CACNA2D1: variants seen among roughly 807,000 people sequenced by gnomAD.
CACNA2D1 encodes the protein voltage-dependent calcium channel subunit alpha-2/delta-1.
CACNA2D1 carries 53 observed loss-of-function variants against 171.5 expected under a neutral mutation model. The observed-to-expected ratio is 0.31, with a 90% CI of 0.25 to 0.39. CACNA2D1 has a LOEUF of 0.39. Among genes scored for constraint, CACNA2D1 ranks in the 10% least tolerant of loss-of-function variants. The pLI is 1.00. For missense variants in CACNA2D1, 903 were observed against 1,299.8 expected, an observed-to-expected ratio of 0.69 and a Z score of 4.69; for synonymous variants, 442 against 443.1, an observed-to-expected ratio of 1.00 and a Z score of 0.03.
chr7:82,090,863 T>A (rs879664958), intron 6 of CACNA2D1, among the ~76,000 whole-genome samples: 1 of 152,142 alleles, frequency 6.6e-6, no homozygotes, highest in Non-Finnish European at 1.5e-5. Flanking sequence ...ACAAAAGATA[T>A]CTTTTGTGGC....
At chr7:81,995,157 C>G (rs1460622363) in intron 19 of CACNA2D1, among the ~76,000 whole-genome samples, 2 of 151,838 alleles carry the variant, frequency 1.3e-5, no homozygotes, top group Non-Finnish European at 2.9e-5. Context: ...AATAAAACAC[C>G]CTTAATGAAA....
chr7:82,240,491 A>G (rs1487260496), intron 3 of CACNA2D1, among the ~76,000 whole-genome samples: 1 of 152,182 alleles, frequency 6.6e-6, no homozygotes, highest in Admixed American at 6.5e-5. Flanking sequence ...TGAATCATAC[A>G]TTGAGTTTTA....
At chr7:82,430,150 A>T (rs1032384453) in intron 1 of CACNA2D1, among the ~76,000 whole-genome samples, 1 of 83,680 alleles carries the variant, frequency 1.2e-5, no homozygotes, top group African/African-American at 7.6e-5. Context: ...GCAGTGGCTC[A>T]CACCTGTAGT....
intron 1 of CACNA2D1, among the ~76,000 whole-genome samples, chr7:82,351,977 T>G (rs192075674): frequency 6.6e-6 from 1 of 152,150 alleles, no homozygotes; most frequent in East Asian, 1.9e-4. Flanking sequence ...GCAAAGAATA[T>G]ATATGTAAAG....
At chr7:82,067,122 T>G (rs79283396) in intron 7 of CACNA2D1, among the ~76,000 whole-genome samples, 9 of 152,250 alleles carry the variant, frequency 5.9e-5, no homozygotes, top group African/African-American at 2.2e-4. Flanking sequence ...CTTTATCTTT[T>G]TGCAATAATC....
intron 4 of CACNA2D1, among the ~76,000 whole-genome samples, chr7:82,156,697 C>CAT (rs34337312): frequency 0.034 from 5,112 of 151,454 alleles, 301 homozygotes; most frequent in African/African-American, 0.12. Flanking sequence ...AGATATTAAA[C>CAT]GTTTTTTTAA....
intron 7 of CACNA2D1, among the ~76,000 whole-genome samples, chr7:82,070,923 A>T (rs1033140250): frequency 1.6e-4 from 25 of 152,296 alleles, no homozygotes; most frequent in Middle Eastern, 3.4e-3. Context: ...GATGACGGAG[A>T]TGAGGATAAG....
At chr7:82,246,928 C>T (rs541273429) in intron 3 of CACNA2D1, among the ~76,000 whole-genome samples, 1 of 152,186 alleles carries the variant, frequency 6.6e-6, no homozygotes, top group African/African-American at 2.4e-5. Flanking sequence ...CACCCCATAT[C>T]TAGGGTCTTC....
rs1289363417 is a variant in CACNA2D1 at position 81,947,393 on chromosome 7, TA to T, written c.*2998del. ...TTAGAAACATGAAAAAAGATCATAC[TA>T]AAATCTTATAGGCCCAGGACCTAAA... On this transcript the variant is annotated 3_prime_UTR_variant, in exon 39 of 39. Coordinates refer to ENST00000356860, the MANE Select transcript of CACNA2D1 (RefSeq NM_000722.4). The T allele has an allele frequency of 6.6e-6, 1 of 151,772 alleles. No individual in the cohort carries two copies. Among genetic ancestry groups the T allele is most frequent in the East Asian group, 1.9e-4 (1 of 5,174 alleles). 9.4% of individuals were successfully genotyped at this position (151,772 alleles called of 1,614,324 possible).
At chr7:82,197,906 G>GCA (rs142413891) in intron 3 of CACNA2D1, among the ~76,000 whole-genome samples, 9,611 of 151,010 alleles carry the variant, frequency 0.064, 464 homozygotes, top group Admixed American at 0.16. Context: ...ATGACATTAT[G>GCA]CACACACACA....
intron 2 of CACNA2D1, among the ~76,000 whole-genome samples, chr7:82,342,389 G>T (rs1818782524): frequency 2.0e-5 from 3 of 152,114 alleles, no homozygotes; most frequent in Admixed American, 2.0e-4. Flanking sequence ...AATACCAATT[G>T]CATGAATTAG....
At chr7:81,954,334 A>G (rs1008261665) in intron 38 of CACNA2D1, among the ~76,000 whole-genome samples, 5 of 151,882 alleles carry the variant, frequency 3.3e-5, no homozygotes, top group African/African-American at 1.2e-4. Context: ...AAATATGATA[A>G]AACTAATTTT....
Position 82,232,861 on chromosome 7 carries a change from C to CAA in CACNA2D1, c.295-62254_295-62253dup, listed in dbSNP as rs71093370. ...CCTGGGCAACAGAGCGAGATGTCTC[C>CAA]AAAAAAAAAAAAAAAAAAAAAAAAA... On this transcript the variant is annotated intron_variant, in intron 3 of 38. Coordinates refer to ENST00000356860, the MANE Select transcript of CACNA2D1 (RefSeq NM_000722.4). 3.6e-4 allele frequency among the ~76,000 whole-genome samples: 19 copies of CAA among 52,412 alleles called. 3 individuals carry two copies. The highest frequency in any genetic ancestry group is 9.2e-4 in the African/African-American group (14 of 15,178). The allele number at this position is 52,412 out of a possible 152,430, so 34.4% of individuals were successfully genotyped here.
chr7:82,442,911 G>A (rs1273840143), intron 1 of CACNA2D1, among the ~76,000 whole-genome samples: 6 of 152,316 alleles, frequency 3.9e-5, no homozygotes, highest in Middle Eastern at 3.4e-3. Context: ...CATCTCCGAG[G>A]CCAAGTGCGG....
intron 1 of CACNA2D1, among the ~76,000 whole-genome samples, chr7:82,366,430 T>C (rs1361031831): frequency 1.3e-5 from 2 of 152,220 alleles, no homozygotes; most frequent in African/African-American, 4.8e-5. Flanking sequence ...TATAACCATG[T>C]GCACCCAATG....
intron 1 of CACNA2D1, among the ~76,000 whole-genome samples, chr7:82,371,460 C>T (rs4370477): frequency 0.62 from 94,658 of 152,044 alleles, 30,089 homozygotes; most frequent in Middle Eastern, 0.74. Context: ...ATGTATGGTA[C>T]GTAATAAATA....
chr7:82,150,284 A>AAAC lies in CACNA2D1; in HGVS notation c.355-13609_355-13608insGTT, dbSNP rs1793702888. Among the ~76,000 whole-genome samples the AAAC allele has an allele frequency of 1.6e-4, 22 of 137,398 alleles. 1 individual carries two copies. Among genetic ancestry groups the AAAC allele is most frequent in the Non-Finnish European group, 3.2e-4 (20 of 62,690 alleles). The allele number at this position is 137,398 out of a possible 152,430, so 90.1% of individuals were successfully genotyped here. A position where few individuals can be genotyped will look rare whatever the true frequency, so the allele number is the denominator to read the frequency against. ...AAAAAAAAAAACAAAAACAACAACA[A>AAAC]AAAAAAACACCCTAGTAGCTGGGTT... On this transcript the variant is annotated intron_variant, in intron 4 of 38. Transcript: ENST00000356860.
At chr7:82,209,020 A>G (rs1322804428) in intron 3 of CACNA2D1, among the ~76,000 whole-genome samples, 1 of 152,188 alleles carries the variant, frequency 6.6e-6, no homozygotes, top group Non-Finnish European at 1.5e-5. Context: ...AATGATTTCC[A>G]GTGATTGCCT....
chr7:82,191,466 T>G (rs1043716747), intron 3 of CACNA2D1, among the ~76,000 whole-genome samples: 1 of 151,760 alleles, frequency 6.6e-6, no homozygotes, highest in African/African-American at 2.4e-5. Context: ...AATTAGGTTG[T>G]CTCACACTTC....
Sources: gnomAD v4.1 joint callset for allele counts (sites outside exome capture counted in the v4.1 genomes callset) on GRCh38, gnomAD v4.1.1 for gene constraint, MANE v1.5 for transcripts, NCBI Gene and HGNC (gene_info 2026-07-23, HGNC 2026-07-21) for gene names.